TPTE2: variants seen among roughly 807,000 people sequenced by gnomAD.
TPTE2 encodes the protein phosphatidylinositol 3,4,5-trisphosphate 3-phosphatase TPTE2.
Under a neutral mutation model 78.6 loss-of-function variants are expected in TPTE2, and 53 were observed. The observed-to-expected ratio is 0.67, with a 90% confidence interval of 0.54 to 0.85. The LOEUF is 0.85. TPTE2 is among the 40% of genes least tolerant of loss of function. The pLI is 0.00. For synonymous variants in TPTE2, 175 were observed against 206.2 expected (o/e 0.85, Z 1.30); for missense variants, 461 against 623.0 (o/e 0.74, Z 2.77).
intron 1 of TPTE2, among the ~76,000 whole-genome samples, chr13:19,519,576 T>A (rs1010517899): frequency 3.9e-5 from 6 of 152,130 alleles, no homozygotes; most frequent in African/African-American, 1.2e-4. Flanking sequence ...TTGTGGAAAA[T>A]CAATTGACCT....
chr13:19,500,705 G>A (rs1295488656), intron 1 of TPTE2, among the ~76,000 whole-genome samples: 5 of 151,356 alleles, frequency 3.3e-5, no homozygotes, highest in African/African-American at 1.2e-4. Context: ...TACTGAATGG[G>A]CAAAAACTGG....
intron 1 of TPTE2, among the ~76,000 whole-genome samples, chr13:19,516,272 G>T (rs1287554557): frequency 2.0e-5 from 3 of 152,210 alleles, no homozygotes; most frequent in Non-Finnish European, 4.4e-5. Context: ...ACATTCAGTA[G>T]CAAGCAGGCA....
intron 10 of TPTE2, among the ~76,000 whole-genome samples, chr13:19,455,288 C>A (rs1391911580): frequency 6.6e-6 from 1 of 152,186 alleles, no homozygotes; most frequent in Non-Finnish European, 1.5e-5. Flanking sequence ...TATAAAAATG[C>A]TTCCCTGCCT....
chr13:19,438,147 G>T, exon 14 of TPTE2: 1 of 1,608,540 alleles, frequency 6.2e-7, no homozygotes, highest in South Asian at 1.1e-5. Context: ...CATAGTCCCG[G>T]TTCTTCCTAG....
At chr13:19,461,451 C>T (rs2497076) in intron 10 of TPTE2, among the ~76,000 whole-genome samples, 151,387 of 151,942 alleles carry the variant, frequency 1, 75,419 homozygotes, top group Middle Eastern at 1. Flanking sequence ...ATCCTCTCTA[C>T]GTAAAAATAT....
At position 19,535,224 on chromosome 13, in the gene TPTE2, A is replaced by T. The variant is rs1046081413; in HGVS notation, c.-44+1372T>A. Among the ~76,000 whole-genome samples, 20 of 134,234 alleles carry T rather than the reference A, an allele frequency of 1.5e-4. No individual in the cohort carries two copies. The highest frequency in any genetic ancestry group is 4.8e-4 in the African/African-American group (16 of 33,240). The allele number at this position is 134,234 out of a possible 152,430, so 88.1% of individuals were successfully genotyped here. A position where few individuals can be genotyped will look rare whatever the true frequency, so the allele number is the denominator to read the frequency against. Reference sequence around the variant, plus strand: ...TCTCAAAAAAACAAACAAACAAAAAAATATATATATATATATATTCTTTAG... The same window carrying T: ...TCTCAAAAAAACAAACAAACAAAAATATATATATATATATATATTCTTTAG... On this transcript the variant is annotated intron_variant, in intron 1 of 17. Coordinates refer to the TPTE2 transcript ENST00000390680. This position sits in a 1 kb window ranked among gnomAD's most constrained non-coding sequence, Gnocchi z 5.1.
chr13:19,527,884 G>A (rs1475208677), intron 1 of TPTE2, among the ~76,000 whole-genome samples: 1 of 152,240 alleles, frequency 6.6e-6, no homozygotes, highest in African/African-American at 2.4e-5. Flanking sequence ...CCTGCAGAGA[G>A]CTTGGAATAC....
intron 3 of TPTE2, among the ~76,000 whole-genome samples, chr13:19,488,287 C>T (rs1306982874): frequency 6.6e-6 from 1 of 152,224 alleles, no homozygotes; most frequent in Non-Finnish European, 1.5e-5. Context: ...TCAATGATTG[C>T]TGGCTTCAAC....
chr13:19,503,571 C>T (rs980362989), upstream of TPTE2, among the ~76,000 whole-genome samples: 1 of 73,836 alleles, frequency 1.4e-5, no homozygotes, highest in African/African-American at 2.9e-5. Context: ...TTATTTCAAA[C>T]TAAACTTTTG....
intron 4 of TPTE2, among the ~76,000 whole-genome samples, chr13:19,476,878 T>G (rs139508775): frequency 0.011 from 1,637 of 152,264 alleles, 26 homozygotes; most frequent in African/African-American, 0.037. Flanking sequence ...CCCAGAGGAA[T>G]ATAAATCATT....
chr13:19,497,717 A>G (rs1383189412), intron 1 of TPTE2, among the ~76,000 whole-genome samples: 2 of 151,068 alleles, frequency 1.3e-5, no homozygotes, highest in African/African-American at 4.9e-5. Context: ...GAACAGAAAA[A>G]CTGGAAACTC....
intron 1 of TPTE2, among the ~76,000 whole-genome samples, chr13:19,511,078 T>C (rs993394865): frequency 2.0e-5 from 3 of 152,196 alleles, no homozygotes; most frequent in African/African-American, 7.2e-5. Flanking sequence ...AAATTTAAAA[T>C]GTGCAGTCTC....
At chr13:19,442,667 G>A (rs913769891) in intron 13 of TPTE2, among the ~76,000 whole-genome samples, 10 of 151,874 alleles carry the variant, frequency 6.6e-5, no homozygotes, top group African/African-American at 2.4e-4. Context: ...TCCCTGGTGA[G>A]ACTAATCAAA....
chr13:19,518,544 A>C (rs1869946751), intron 1 of TPTE2, among the ~76,000 whole-genome samples: 1 of 152,228 alleles, frequency 6.6e-6, no homozygotes, highest in Non-Finnish European at 1.5e-5. Flanking sequence ...TGCAGATTAA[A>C]ACTACAATAA....
the TPTE2 span, among the ~76,000 whole-genome samples, chr13:19,542,231 T>C: frequency 6.6e-6 from 1 of 152,184 alleles, no homozygotes; most frequent in African/African-American, 2.4e-5. Context: ...CATAGCTCAC[T>C]GCAGCCTCCA....
intron 1 of TPTE2, among the ~76,000 whole-genome samples, chr13:19,513,052 A>T (rs544798552): frequency 1.3e-5 from 2 of 152,326 alleles, no homozygotes; most frequent in African/African-American, 4.8e-5. Flanking sequence ...AAATGTAGAA[A>T]ATTAATTCAA....
intron 1 of TPTE2, among the ~76,000 whole-genome samples, chr13:19,521,864 T>G (rs1870170534): frequency 6.6e-6 from 1 of 152,170 alleles, no homozygotes; most frequent in Non-Finnish European, 1.5e-5. Flanking sequence ...GAGAATTGCT[T>G]TATGCTTATA....
upstream of TPTE2, among the ~76,000 whole-genome samples, chr13:19,538,802 C>T (rs1348123932): frequency 2.0e-5 from 3 of 152,142 alleles, no homozygotes; most frequent in Non-Finnish European, 4.4e-5. Context: ...CAGGTATGAG[C>T]CAATGCACCC....
At chr13:19,533,591 C>T (rs1019331282) in intron 1 of TPTE2, among the ~76,000 whole-genome samples, 4 of 152,240 alleles carry the variant, frequency 2.6e-5, no homozygotes, top group South Asian at 2.1e-4. Flanking sequence ...TGGAAAGAGA[C>T]GGATACTATT....
Sources: gnomAD v4.1 joint callset for allele counts (sites outside exome capture counted in the v4.1 genomes callset) on GRCh38, gnomAD v4.1.1 for gene constraint, Gnocchi (gnomAD v3.1) non-coding constraint, MANE v1.5 for transcripts, NCBI Gene and HGNC (gene_info 2026-07-23, HGNC 2026-07-21) for gene names.